ACTR3C: variants seen among roughly 807,000 people sequenced by gnomAD.
ACTR3C encodes the protein actin-related protein 3C.
A neutral mutation model predicts 26.3 loss-of-function variants in ACTR3C; 18 were observed. The observed-to-expected ratio is 0.68, with a 90% CI of 0.47 to 1.01. ACTR3C has a LOEUF of 1.01. Among genes scored for constraint, ACTR3C ranks in the 50% least tolerant of loss-of-function variants. ACTR3C has a pLI of 0.00. For missense variants in ACTR3C, 184 were observed against 250.7 expected, an observed-to-expected ratio of 0.73 and a Z score of 1.80; for synonymous variants, 55 against 94.5, an observed-to-expected ratio of 0.58 and a Z score of 2.42.
the ACTR3C span, among the ~76,000 whole-genome samples, chr7:150,027,218 G>A: frequency 6.6e-6 from 1 of 152,020 alleles, no homozygotes; most frequent in Non-Finnish European, 1.5e-5. Flanking sequence ...ACAGTGAACG[G>A]CACAGTCCAC....
the ACTR3C span, among the ~76,000 whole-genome samples, chr7:149,920,862 G>A: frequency 6.6e-6 from 1 of 151,850 alleles, no homozygotes; most frequent in Non-Finnish European, 1.5e-5. Flanking sequence ...TGCCTCCCAG[G>A]TTCAAGCGAT....
At chr7:149,906,166 AT>A in the ACTR3C span, among the ~76,000 whole-genome samples, 2 of 152,186 alleles carry the variant, frequency 1.3e-5, no homozygotes, top group Non-Finnish European at 2.9e-5. Flanking sequence ...GTGATACCAT[AT>A]TGGAAATGTT....
chr7:150,209,622 G>A, the ACTR3C span, among the ~76,000 whole-genome samples: 307 of 150,750 alleles, frequency 2.0e-3, no homozygotes, highest in African/African-American at 7.4e-3. Context: ...GCTCACAGCT[G>A]TAACCCCAGC....
the ACTR3C span, among the ~76,000 whole-genome samples, chr7:150,039,282 C>T: frequency 1.3e-5 from 2 of 151,792 alleles, no homozygotes; most frequent in African/African-American, 2.4e-5. Context: ...GGGTGCCTCC[C>T]CCCTCCTGCG....
chr7:150,105,511 C>T, the ACTR3C span, among the ~76,000 whole-genome samples: 1 of 151,968 alleles, frequency 6.6e-6, no homozygotes, highest in Non-Finnish European at 1.5e-5. Flanking sequence ...GGCTTTCCCT[C>T]CTTGCCATGG....
intron 6 of ACTR3C, among the ~76,000 whole-genome samples, chr7:150,277,804 T>C (rs544636623): frequency 4.6e-5 from 7 of 152,200 alleles, no homozygotes; most frequent in Admixed American, 2.0e-4. Flanking sequence ...GTCCTGCCTC[T>C]GCGTGGTTCT....
At chr7:150,236,283 A>C in the ACTR3C span, among the ~76,000 whole-genome samples, 46 of 152,294 alleles carry the variant, frequency 3.0e-4, no homozygotes, top group Middle Eastern at 3.4e-3. Flanking sequence ...AACACCTAAC[A>C]CTTCCACAAT....
the ACTR3C span, among the ~76,000 whole-genome samples, chr7:149,955,771 G>C: frequency 6.6e-6 from 1 of 152,152 alleles, no homozygotes; most frequent in Non-Finnish European, 1.5e-5. Context: ...CCAAACGTGA[G>C]AGCTTATCTC....
the ACTR3C span, among the ~76,000 whole-genome samples, chr7:150,165,268 A>G: frequency 6.6e-6 from 1 of 152,098 alleles, no homozygotes; most frequent in Non-Finnish European, 1.5e-5. Flanking sequence ...TTGAGACATG[A>G]GGAGATCAAT....
At chr7:150,264,123 C>T (rs1188414334) in intron 6 of ACTR3C, among the ~76,000 whole-genome samples, 1 of 152,224 alleles carries the variant, frequency 6.6e-6, no homozygotes, top group Non-Finnish European at 1.5e-5. Context: ...TCAGGAGTGG[C>T]ATCCATCTCA....
the ACTR3C span, among the ~76,000 whole-genome samples, chr7:150,120,100 T>G: frequency 6.6e-6 from 1 of 152,288 alleles, no homozygotes; most frequent in East Asian, 1.9e-4. Flanking sequence ...TAGACGGACA[T>G]TTATGGCACT....
the ACTR3C span, among the ~76,000 whole-genome samples, chr7:150,202,971 C>A: frequency 2.8e-4 from 42 of 152,348 alleles, no homozygotes; most frequent in South Asian, 8.5e-3. Flanking sequence ...GTGCAAACTA[C>A]CACTAAGACC....
At chr7:150,300,950 A>G (rs1795400375) in intron 1 of ACTR3C, among the ~76,000 whole-genome samples, 2 of 152,176 alleles carry the variant, frequency 1.3e-5, no homozygotes, top group Non-Finnish European at 1.5e-5. Flanking sequence ...AGATTCCAAT[A>G]GTAGTGTGTA....
the ACTR3C span, among the ~76,000 whole-genome samples, chr7:150,201,764 A>G: frequency 1.3e-5 from 2 of 152,130 alleles, no homozygotes; most frequent in African/African-American, 2.4e-5. Context: ...AAAAAAAAAA[A>G]AAGTTTCTCA....
intron 6 of ACTR3C, among the ~76,000 whole-genome samples, chr7:150,277,806 C>T (rs573554000): frequency 1.6e-4 from 24 of 152,306 alleles, no homozygotes; most frequent in South Asian, 1.2e-3. Flanking sequence ...CCTGCCTCTG[C>T]GTGGTTCTAC....
chr7:150,277,022 G>A (rs371023989), intron 6 of ACTR3C, among the ~76,000 whole-genome samples: 3 of 152,146 alleles, frequency 2.0e-5, no homozygotes, highest in Non-Finnish European at 2.9e-5. Context: ...ATGTGGTTGG[G>A]CCTCATCCAG....
chr7:150,110,529 AG>A, the ACTR3C span, among the ~76,000 whole-genome samples: 50 of 71,564 alleles, frequency 7.0e-4, 1 homozygote, highest in African/African-American at 2.5e-3. Context: ...TGGGGCTGGA[AG>A]AGGGTGGGGC....
chr7:149,975,711 A>G, the ACTR3C span, among the ~76,000 whole-genome samples: 9 of 152,256 alleles, frequency 5.9e-5, no homozygotes, highest in African/African-American at 1.9e-4. Flanking sequence ...GGAGGGACTC[A>G]GGAAACTTAC....
chr7:150,245,805 G>C (rs1423719964), downstream of ACTR3C: 1 of 152,252 alleles, frequency 6.6e-6, no homozygotes, highest in East Asian at 1.9e-4. Flanking sequence ...AGGAATGCCT[G>C]CTGGGGGGCT....
Sources: gnomAD v4.1 joint callset for allele counts (sites outside exome capture counted in the v4.1 genomes callset) on GRCh38, gnomAD v4.1.1 for gene constraint, MANE v1.5 for transcripts, NCBI Gene and HGNC (gene_info 2026-07-23, HGNC 2026-07-21) for gene names.